Variants in RADX observed in about 807,000 individuals in gnomAD.
RADX encodes RPA-related protein RADX.
In RADX, 36 loss-of-function variants were observed where a neutral mutation model predicts 61.6. The ratio of observed to expected loss-of-function variants is 0.58; its 90% CI spans 0.45 to 0.77. The LOEUF (loss-of-function observed/expected upper bound fraction) is 0.77, where lower values mean the gene tolerates loss of function less well. Among genes scored for constraint, RADX ranks in the 30% least tolerant of loss-of-function variants. The pLI, the probability that RADX is intolerant of heterozygous loss-of-function variation, is 0.00. For missense variants in RADX, 497 were observed against 651.1 expected (o/e 0.76, Z 2.58); for synonymous variants, 272 against 237.9 (o/e 1.14, Z -1.32).
intron 1 of RADX, among the ~76,000 whole-genome samples, chrX:106,616,121 T>C (rs1371993795): frequency 9.0e-6 from 1 of 111,567 alleles, no homozygotes; most frequent in Non-Finnish European, 1.9e-5. Flanking sequence ...CTTTTTCAAT[T>C]TCTTTTAGAA....
At chrX:106,660,029 G>A (rs1928050045) in intron 11 of RADX, among the ~76,000 whole-genome samples, 1 of 111,660 alleles carries the variant, frequency 9.0e-6, no homozygotes, top group Non-Finnish European at 1.9e-5. Flanking sequence ...AATAAGTCAA[G>A]CAGGAATGTT....
rs1375637839 is a variant in RADX, at chrX:106,612,302, C to T, written c.222C>T (p.Val74=). 3.3e-6 allele frequency: 4 copies of T among 1,211,567 alleles called. No individual in the cohort carries two copies. The highest frequency in any genetic ancestry group is 2.3e-4 in the Middle Eastern group (1 of 4,352). The change falls in exon 1 of 14, where the codon GTC becomes GTT. Residue 74 remains valine, a synonymous_variant. Transcript: ENST00000372548. ...TGGTGCCTGTAACTGTGCTGGCCGT[C>T]CAGAGGTACCTGTTAGAGGATGAGC... is the stretch of plus-strand genomic sequence containing the variant. The part of the protein sequence containing the change: ...SEVVPVTVLA[V]QRYLLEDEPR...
At position 106,678,189 on chromosome X, in the gene RADX, C is replaced by G. The variant is rs188839866; in HGVS notation, c.2499C>G (p.Ile833Met). ...DRVHIVGILD[I>M]CNLGNNKVEV... Reference sequence around the variant, plus strand: ...TGCATATCGTCGGTATCTTGGATATCTGTAATTTGGGTAATAATAAAGTGG... The same window carrying G: ...TGCATATCGTCGGTATCTTGGATATGTGTAATTTGGGTAATAATAAAGTGG... Residue 833 changes from isoleucine to methionine, a missense_variant, in exon 14 of 14, where the codon ATC (isoleucine) becomes ATG (methionine). Physicochemically the swap from Ile to Met is conservative, Grantham distance 10. Transcript: ENST00000372548. 3.4e-6 allele frequency: 4 copies of G among 1,162,062 alleles called. No homozygotes were observed. The East Asian group carries it at 1.2e-4, about 35-fold the overall frequency.
In RADX at chrX:106,653,647, G is replaced by A. The variant is rs186107289; in HGVS notation, c.1978+5261G>A. Among the ~76,000 whole-genome samples the A allele has an allele frequency of 3.6e-3, 391 of 109,757 alleles. 4 individuals carry two copies. Among genetic ancestry groups the A allele is most frequent in the Middle Eastern group, 0.018 (4 of 218 alleles). On this transcript the variant is annotated intron_variant, in intron 11 of 13. Coordinates refer to ENST00000372548, the MANE Select transcript of RADX (RefSeq NM_018015.6). The stretch of plus-strand genomic sequence containing the variant: ...GGTTTGCTGCACCCATCAACCCATC[G>A]TCTACATTAGGTATTTCTCCTAATA...
chrX:106,649,224 G>C (rs932124350), intron 11 of RADX, among the ~76,000 whole-genome samples: 1 of 111,260 alleles, frequency 9.0e-6, no homozygotes, highest in Non-Finnish European at 1.9e-5. Context: ...CACTTTAGAT[G>C]ATTTCAGTAA....
intron 8 of RADX, 97 bp downstream of exon 8, chrX:106,638,021 G>A: frequency 1.4e-6 from 1 of 713,033 alleles, no homozygotes; most frequent in Non-Finnish European, 2.1e-6. Context: ...TTCTTTTATG[G>A]GAGTGATCTA....
intron 12 of RADX, among the ~76,000 whole-genome samples, chrX:106,666,510 A>G (rs1928233091): frequency 8.9e-6 from 1 of 112,033 alleles, no homozygotes; most frequent in Non-Finnish European, 1.9e-5. Context: ...AAGGTAGCAT[A>G]CCCCAGAAGT....
chrX:106,663,761 C>A (rs1037177664), intron 12 of RADX, among the ~76,000 whole-genome samples: 2 of 111,470 alleles, frequency 1.8e-5, no homozygotes, highest in Admixed American at 9.5e-5. Flanking sequence ...TATATACCCA[C>A]AACATTAAAA....
chrX:106,659,008 A>G (rs929588938), intron 11 of RADX, among the ~76,000 whole-genome samples: 1 of 109,053 alleles, frequency 9.2e-6, no homozygotes. Flanking sequence ...TCATCCAGGC[A>G]GGAGTGCAAT....
At chrX:106,653,022 T>A (rs1927836825) in intron 11 of RADX, among the ~76,000 whole-genome samples, 1 of 103,639 alleles carries the variant, frequency 9.6e-6, no homozygotes, top group Non-Finnish European at 2.0e-5. Flanking sequence ...TAGAATTCTA[T>A]ACACAGTGAC....
intron 3 of RADX, among the ~76,000 whole-genome samples, chrX:106,630,101 T>C (rs949127502): frequency 9.0e-6 from 1 of 111,685 alleles, no homozygotes; most frequent in African/African-American, 3.3e-5. Flanking sequence ...GGCAGGAAGA[T>C]CACTTGAAGC....
At chrX:106,637,652 G>A in intron 7 of RADX, 108 bp from the exon 8 acceptor site, 1 of 593,937 alleles carries the variant, frequency 1.7e-6, no homozygotes, top group Non-Finnish European at 2.6e-6. Flanking sequence ...GGTGATAAAA[G>A]AGGGATTGTT....
At chrX:106,617,109 G>A (rs1332855504) in intron 1 of RADX, among the ~76,000 whole-genome samples, 3 of 90,829 alleles carry the variant, frequency 3.3e-5, no homozygotes, top group Non-Finnish European at 6.2e-5. Flanking sequence ...TGCAACCTTC[G>A]CCTCCCGGGT....
At chrX:106,644,117 T>C (rs1270799661) in intron 10 of RADX, among the ~76,000 whole-genome samples, 2 of 111,907 alleles carry the variant, frequency 1.8e-5, no homozygotes, top group Non-Finnish European at 3.8e-5. Context: ...GATTTTTGTA[T>C]GTTGATTTTG....
chrX:106,678,308 G>T lies in RADX; in HGVS notation c.*50G>T, dbSNP rs778838421. 1.7e-5 allele frequency: 15 copies of T among 877,932 alleles called. No homozygotes were observed. Among genetic ancestry groups the T allele is most frequent in the Admixed American group, 1.1e-4 (4 of 37,520 alleles). The allele number at this position is 877,932 out of a possible 1,213,427, so 72.4% of individuals were successfully genotyped here. Reference sequence around the variant, plus strand: ...GATTATACGAGTGTACTGCTTTAAAGATATTCCATCATTTTGCTGGTAATT... The same window carrying T: ...GATTATACGAGTGTACTGCTTTAAATATATTCCATCATTTTGCTGGTAATT... On this transcript the variant is annotated 3_prime_UTR_variant, in exon 14 of 14. Transcript: ENST00000372548.
At chrX:106,617,405 T>G (rs1926838217) in intron 1 of RADX, among the ~76,000 whole-genome samples, 1 of 111,637 alleles carries the variant, frequency 9.0e-6, no homozygotes, top group Admixed American at 9.5e-5. Context: ...ACCAGGTTTT[T>G]AAAAATGTAA....
intron 13 of RADX, among the ~76,000 whole-genome samples, chrX:106,675,665 G>T (rs939548625): frequency 8.9e-6 from 1 of 112,286 alleles, no homozygotes; most frequent in Non-Finnish European, 1.9e-5. Flanking sequence ...AGAACACATA[G>T]TGTTGCCTTT....
At chrX:106,641,989 C>G (rs1156562694) in intron 10 of RADX, among the ~76,000 whole-genome samples, 9 of 111,852 alleles carry the variant, frequency 8.0e-5, no homozygotes, top group Non-Finnish European at 1.7e-4. Context: ...TGCAGAATCA[C>G]TTTAGATTTT....
chrX:106,622,888 A>G (rs1926987371), intron 2 of RADX, 95 bp downstream of exon 2: 1 of 443,246 alleles, frequency 2.3e-6, no homozygotes, highest in East Asian at 4.4e-5. Flanking sequence ...CGTTTAAATA[A>G]CATTTCATAA....
Sources: allele counts gnomAD v4.1 joint callset (sites outside exome capture counted in the v4.1 genomes callset), GRCh38; gene constraint gnomAD v4.1.1; transcripts MANE v1.5; gene names NCBI Gene and HGNC (gene_info 2026-07-23, HGNC 2026-07-21).